CEP126: variants seen among roughly 807,000 people sequenced by gnomAD.
CEP126 encodes centrosomal protein of 126 kDa.
In CEP126, 74 loss-of-function variants were observed where a neutral mutation model predicts 107.8. That is an observed-to-expected ratio of 0.69 (90% CI 0.57 to 0.83). The LOEUF (loss-of-function observed/expected upper bound fraction) is 0.83. CEP126 is among the 40% of genes least tolerant of loss of function. The pLI is 0.00. For synonymous variants in CEP126, 449 were observed against 446.0 expected (o/e 1.01, Z -0.08); for missense variants, 1,237 against 1,281.9 (o/e 0.96, Z 0.53).
At chr11:101,981,379 C>T (rs1941252424) in intron 7 of CEP126, among the ~76,000 whole-genome samples, 1 of 152,126 alleles carries the variant, frequency 6.6e-6, no homozygotes, top group African/African-American at 2.4e-5. Context: ...CTGCAACCTC[C>T]ATCTCCTGGG....
chr11:101,991,193 T>TAAAC (rs535319518), intron 9 of CEP126, among the ~76,000 whole-genome samples: 1 of 151,826 alleles, frequency 6.6e-6, no homozygotes, highest in Non-Finnish European at 1.5e-5. Flanking sequence ...AATAAATAAA[T>TAAAC]AAACAAACAG....
At chr11:101,965,587 C>T (rs1355699537) in intron 6 of CEP126, among the ~76,000 whole-genome samples, 3 of 152,070 alleles carry the variant, frequency 2.0e-5, no homozygotes, top group South Asian at 2.1e-4. Flanking sequence ...CCAGTCATTT[C>T]AGAATGTAAC....
intron 2 of CEP126, among the ~76,000 whole-genome samples, chr11:101,929,615 A>G (rs1940463394): frequency 6.6e-6 from 1 of 152,162 alleles, no homozygotes; most frequent in African/African-American, 2.4e-5. Context: ...ACCACCAACT[A>G]TGGAGAGCGT....
At chr11:101,970,815 A>G (rs1005590172) in intron 6 of CEP126, among the ~76,000 whole-genome samples, 3 of 152,168 alleles carry the variant, frequency 2.0e-5, no homozygotes, top group Admixed American at 1.3e-4. Flanking sequence ...CTCACAATAA[A>G]TCTGTGAGGT....
At chr11:101,988,364 A>G (rs1941337916) in intron 9 of CEP126, among the ~76,000 whole-genome samples, 2 of 152,222 alleles carry the variant, frequency 1.3e-5, no homozygotes, top group African/African-American at 4.8e-5. Context: ...TATCCACAGT[A>G]TATCTTAGAG....
At chr11:101,944,185 A>G (rs1565354853) in intron 2 of CEP126, 80 bp from the exon 3 acceptor site, 2 of 1,261,216 alleles carry the variant, frequency 1.6e-6, no homozygotes, top group Non-Finnish European at 2.1e-6. Context: ...AAACATTGTT[A>G]TATAATAAAT....
chr11:101,948,178 A>G, intron 4 of CEP126, 36 bp downstream of exon 4: 1 of 1,284,598 alleles, frequency 7.8e-7, no homozygotes, highest in Non-Finnish European at 1.1e-6. Flanking sequence ...CAATTATTAC[A>G]ATAATTGTAT....
At position 101,963,837 on chromosome 11, in the gene CEP126, G is replaced by C. The variant is rs150952082; in HGVS notation, c.2802G>C (p.Trp934Cys). 5.1e-5 allele frequency: 82 copies of C among 1,613,684 alleles called. No homozygotes were observed. In the African/African-American group the frequency reaches 8.4e-4, roughly 17 times the overall value. The change falls in exon 6 of 11, where the codon TGG (tryptophan) becomes TGC (cysteine). Residue 934 changes from tryptophan to cysteine, a missense_variant. Physicochemically the swap from Trp to Cys is radical, Grantham distance 215. This residue lies in a region of CEP126 where 1,134 missense variants were observed against 1,150.5 expected (regional missense o/e 0.99). Transcript: ENST00000263468. ...RTAEEESVPL[W>C]KRGPNVLHQN... ...CTGAAGAAGAATCAGTTCCCTTATG[G>C]AAAAGAGGTCCTAATGTCCTGCATC...
chr11:101,922,512 C>T, intron 1 of CEP126, 129 bp from the exon 2 acceptor site: 1 of 744,412 alleles, frequency 1.3e-6, no homozygotes, highest in South Asian at 1.8e-5. Context: ...AATGTGGGCA[C>T]ATACTAATTA....
rs770432636 is a variant in CEP126, at chr11:101,992,818, T to C, written c.3285T>C (p.Asn1095=). The C allele has an allele frequency of 1.3e-6, 2 of 1,540,208 alleles. No individual in the cohort carries two copies. The highest frequency in any genetic ancestry group is 1.7e-6 in the Non-Finnish European group (2 of 1,145,786). ...ESICKNPSIK[N]TLQIIPLLEK... Reference sequence around the variant, plus strand: ...TTTGCAAAAACCCATCCATCAAAAATACTTTACAAATAATACCACTTCTGG... The same window carrying C: ...TTTGCAAAAACCCATCCATCAAAAACACTTTACAAATAATACCACTTCTGG... The change falls in exon 10 of 11, where the codon AAT becomes AAC. Residue 1095 remains asparagine, a synonymous_variant. Coordinates refer to ENST00000263468, the MANE Select transcript of CEP126 (RefSeq NM_020802.4).
Position 101,962,480 on chromosome 11 carries a change from TAAAAG to T in CEP126, c.1449_1453del (p.Lys483AsnfsTer2), listed in dbSNP as rs774300160. On this transcript the variant is annotated frameshift_variant, in exon 6 of 11. Coordinates refer to ENST00000263468, the MANE Select transcript of CEP126 (RefSeq NM_020802.4). LOFTEE classifies it high-confidence loss of function. Reference sequence around the variant, plus strand: ...CCTTCAGCAAAGAACAGTATACACATAAAAGAAATTGATGCAGTGCAGTGTTCTGA... The same window carrying T: ...CCTTCAGCAAAGAACAGTATACACATAAATTGATGCAGTGCAGTGTTCTGA... The T allele has an allele frequency of 9.3e-6, 15 of 1,613,014 alleles. No homozygotes were observed. The South Asian group carries it at 1.7e-4, about 18-fold the overall frequency.
chr11:101,963,470 G>A lies in CEP126; in HGVS notation c.2435G>A (p.Ser812Asn), dbSNP rs1159681769. 7 of 1,614,088 alleles carry A rather than the reference G, an allele frequency of 4.3e-6. No individual in the cohort carries two copies. The highest frequency in any genetic ancestry group is 1.7e-6 in the Non-Finnish European group (2 of 1,180,004). The change falls in exon 6 of 11, where the codon AGT becomes AAT. Residue 812 changes from serine to asparagine, a missense_variant. Ser to Asn is a conservative substitution (Grantham distance 46). This residue lies in a region of CEP126 where 1,134 missense variants were observed against 1,150.5 expected (regional missense o/e 0.99). Coordinates refer to ENST00000263468, the MANE Select transcript of CEP126 (RefSeq NM_020802.4). Reference sequence around the variant, plus strand: ...CCTCAATCTACATCAAATATTAGAAGTGGTAAAAATATACAAGTGTCTCAG... The same window carrying A: ...CCTCAATCTACATCAAATATTAGAAATGGTAAAAATATACAAGTGTCTCAG... ...PPPQSTSNIR[S>N]GKNIQVSQCQ...
Position 101,987,642 on chromosome 11 carries a change from C to T in CEP126, c.3244+601C>T, listed in dbSNP as rs139187058. ...ACACATGCATACACAGAGGAGGCAG[C>T]GCAGGGAGAGGGAATTTTTTTCTAA... On this transcript the variant is annotated intron_variant, in intron 9 of 10. Transcript: ENST00000263468. 4.8e-3 allele frequency among the ~76,000 whole-genome samples: 690 copies of T among 144,000 alleles called. 8 individuals carry two copies. The highest frequency in any genetic ancestry group is 0.017 in the African/African-American group (626 of 37,904). The allele number at this position is 144,000 out of a possible 152,430, so 94.5% of individuals were successfully genotyped here. A position where few individuals can be genotyped will look rare whatever the true frequency, so the allele number is the denominator to read the frequency against.
chr11:101,962,361 A>G lies in CEP126; in HGVS notation c.1326A>G (p.Glu442=). ...TTCCAGACCAAGAGAAATATTCTGA[A>G]TTAAATCAAGAAAATGGAACTACTT... The part of the protein sequence containing the change: ...ATFPDQEKYS[E]LNQENGTTSI... Residue 442 remains glutamate (E), a synonymous_variant, in exon 6 of 11, where the codon GAA becomes GAG. Coordinates refer to ENST00000263468, the MANE Select transcript of CEP126 (RefSeq NM_020802.4). The G allele has an allele frequency of 6.2e-7, 1 of 1,613,828 alleles. No individual in the cohort carries two copies. Among genetic ancestry groups the G allele is most frequent in the Non-Finnish European group, 8.5e-7 (1 of 1,179,868 alleles).
chr11:101,965,428 C>G (rs536696716), intron 6 of CEP126, among the ~76,000 whole-genome samples: 66 of 152,282 alleles, frequency 4.3e-4, no homozygotes, highest in Middle Eastern at 3.4e-3. Flanking sequence ...AGTAATCACC[C>G]AGACTCTACT....
At chr11:101,948,876 G>A (rs11225083) in intron 4 of CEP126, among the ~76,000 whole-genome samples, 8,334 of 152,006 alleles carry the variant, frequency 0.055, 441 homozygotes, top group East Asian at 0.26. Context: ...ATATAAATAC[G>A]TCCACAATTC....
At chr11:101,988,114 G>A (rs184296174) in intron 9 of CEP126, among the ~76,000 whole-genome samples, 15 of 152,294 alleles carry the variant, frequency 9.8e-5, no homozygotes, top group Admixed American at 9.8e-4. Context: ...ATGCTTGTAT[G>A]CTCTAAAGTT....
chr11:101,940,189 C>T (rs1381026537), intron 2 of CEP126, among the ~76,000 whole-genome samples: 4 of 152,130 alleles, frequency 2.6e-5, no homozygotes, highest in South Asian at 4.1e-4. Context: ...GACATAAAGA[C>T]GACAGTTGCC....
intron 2 of CEP126, among the ~76,000 whole-genome samples, chr11:101,938,017 G>A (rs1033498592): frequency 2.6e-5 from 4 of 151,394 alleles, no homozygotes; most frequent in African/African-American, 4.8e-5. Flanking sequence ...GCCGGGCGTG[G>A]TGGCGGACGC....
Sources: allele counts gnomAD v4.1 joint callset (sites outside exome capture counted in the v4.1 genomes callset), GRCh38; gene constraint gnomAD v4.1.1; regional missense constraint gnomAD v4.1.1; transcripts MANE v1.5; gene names NCBI Gene and HGNC (gene_info 2026-07-23, HGNC 2026-07-21).